The following SUGCT variants were observed in gnomAD, a reference collection of about 807,000 sequenced individuals.
SUGCT encodes the protein succinyl-CoA:glutarate CoA-transferase.
In SUGCT, 41 loss-of-function variants were observed where a neutral mutation model predicts 55.0. That is an observed-to-expected ratio of 0.74 (90% CI 0.58 to 0.97). SUGCT has a LOEUF of 0.97. Among genes scored for constraint, SUGCT ranks in the 50% least tolerant of loss-of-function variants. The pLI is 0.00. For missense variants in SUGCT, 568 were observed against 547.8 expected (o/e 1.04, Z -0.37); for synonymous variants, 187 against 200.4 (o/e 0.93, Z 0.56).
At chr7:40,908,960 G>A in the SUGCT span, among the ~76,000 whole-genome samples, 1 of 151,994 alleles carries the variant, frequency 6.6e-6, no homozygotes, top group African/African-American at 2.4e-5. Context: ...TTTTTGAAAA[G>A]TATACATAGA....
chr7:41,004,823 C>T, the SUGCT span, among the ~76,000 whole-genome samples: 61 of 152,020 alleles, frequency 4.0e-4, no homozygotes, highest in African/African-American at 1.4e-3. Context: ...AAATAACTGG[C>T]ATCTCAATAT....
chr7:40,565,682 C>A (rs1796092564), intron 12 of SUGCT, among the ~76,000 whole-genome samples: 2 of 151,964 alleles, frequency 1.3e-5, no homozygotes, highest in South Asian at 4.2e-4. Context: ...TGATCCGGTC[C>A]CATTTACCTC....
intron 9 of SUGCT, among the ~76,000 whole-genome samples, chr7:40,417,412 G>A (rs1261104348): frequency 6.6e-6 from 1 of 151,518 alleles, no homozygotes; most frequent in Non-Finnish European, 1.5e-5. Context: ...CTTTTTTATT[G>A]TCTTGTAAAT....
At chr7:40,547,069 A>G (rs1795030086) in intron 12 of SUGCT, 1 of 152,112 alleles carries the variant, frequency 6.6e-6, no homozygotes, top group African/African-American at 2.4e-5. Flanking sequence ...GACTAGTCAT[A>G]TGCATGTGAC....
At chr7:40,193,566 G>T (rs1406565) in intron 5 of SUGCT, among the ~76,000 whole-genome samples, 58,283 of 150,102 alleles carry the variant, frequency 0.39, 12,584 homozygotes, top group Middle Eastern at 0.58. Flanking sequence ...ATTTACAGGT[G>T]TGAGCCACTA....
At chr7:40,988,436 G>A in the SUGCT span, among the ~76,000 whole-genome samples, 6 of 151,148 alleles carry the variant, frequency 4.0e-5, no homozygotes, top group East Asian at 1.2e-3. Flanking sequence ...TTTTTTTAAG[G>A]TAGGTGTACT....
intron 12 of SUGCT, among the ~76,000 whole-genome samples, chr7:40,594,712 G>T (rs916737116): frequency 2.0e-5 from 3 of 152,144 alleles, no homozygotes; most frequent in Non-Finnish European, 2.9e-5. Flanking sequence ...GTCCTGTGTG[G>T]CACTAACAAG....
chr7:40,835,804 T>C (rs914928040), intron 13 of SUGCT, among the ~76,000 whole-genome samples: 4 of 152,194 alleles, frequency 2.6e-5, no homozygotes, highest in Non-Finnish European at 5.9e-5. Context: ...TATCCCCCAA[T>C]TGCCAGATCC....
the SUGCT span, among the ~76,000 whole-genome samples, chr7:41,020,887 T>C: frequency 6.6e-6 from 1 of 152,336 alleles, no homozygotes; most frequent in South Asian, 2.1e-4. Context: ...GCAGAGCGAA[T>C]GTAGCAGCAG....
chr7:40,454,035 G>A (rs1287565844), intron 10 of SUGCT, among the ~76,000 whole-genome samples: 1 of 151,996 alleles, frequency 6.6e-6, no homozygotes, highest in East Asian at 1.9e-4. Flanking sequence ...CACCTCACTC[G>A]TTGAGCTCAA....
At chr7:40,929,306 C>T in the SUGCT span, among the ~76,000 whole-genome samples, 1 of 152,126 alleles carries the variant, frequency 6.6e-6, no homozygotes, top group Non-Finnish European at 1.5e-5. Flanking sequence ...GCCACATTTT[C>T]TTAATCCAGT....
At chr7:40,806,891 C>T (rs1252449590) in intron 13 of SUGCT, among the ~76,000 whole-genome samples, 2 of 152,170 alleles carry the variant, frequency 1.3e-5, no homozygotes, top group Admixed American at 6.5e-5. Flanking sequence ...GCATGGTCTC[C>T]ATGCAGCTCC....
chr7:40,820,055 G>A (rs568274770), intron 13 of SUGCT, among the ~76,000 whole-genome samples: 3 of 152,308 alleles, frequency 2.0e-5, no homozygotes, highest in South Asian at 4.1e-4. Context: ...GTTTGTCAAA[G>A]AACATATTGT....
rs542106185 is a variant in SUGCT, at chr7:40,248,379, A to T, written c.576+10653A>T. On this transcript the variant is annotated intron_variant, in intron 7 of 13. Coordinates refer to ENST00000335693, the MANE Select transcript of SUGCT (RefSeq NM_001193313.2). The stretch of plus-strand genomic sequence containing the variant: ...TTTGCATTGTATTTTATTTTAAATC[A>T]TGTTTCCTGGAGATTATCCTATATC... Among the ~76,000 whole-genome samples the T allele has an allele frequency of 3.9e-5, 6 of 152,060 alleles. No homozygotes were observed. The South Asian group carries it at 1.2e-3, about 32-fold the overall frequency.
chr7:40,779,325 A>G (rs1789613843), intron 13 of SUGCT, among the ~76,000 whole-genome samples: 1 of 152,182 alleles, frequency 6.6e-6, no homozygotes, highest in African/African-American at 2.4e-5. Context: ...CTCTCTGTTC[A>G]TCTGTAATTT....
At position 40,181,987 on chromosome 7, in the gene SUGCT, TAGG is replaced by T. The variant is rs923083088; in HGVS notation, c.188_190del (p.Gly63del). 6.2e-7 allele frequency: 1 copy of T among 1,602,398 alleles called. No individual in the cohort carries two copies. The stretch of plus-strand genomic sequence containing the variant: ...GCGGGACCTTTTGCTACTATGAATT[TAGG>T]AGATCTTGGAGCAGAAGTTATAAAA... On this transcript the variant is annotated inframe_deletion, in exon 3 of 14. Transcript: ENST00000335693.
the SUGCT span, among the ~76,000 whole-genome samples, chr7:40,875,356 G>T: frequency 4.3e-4 from 66 of 152,318 alleles, no homozygotes; most frequent in South Asian, 1.2e-3. Context: ...TGTTAGTGTA[G>T]TTCCATATTG....
the SUGCT span, among the ~76,000 whole-genome samples, chr7:40,874,645 C>T: frequency 6.6e-6 from 1 of 152,148 alleles, no homozygotes; most frequent in African/African-American, 2.4e-5. Context: ...AATATATTCT[C>T]TGTATAACAT....
At chr7:40,369,946 T>C (rs909724647) in intron 9 of SUGCT, among the ~76,000 whole-genome samples, 9 of 152,050 alleles carry the variant, frequency 5.9e-5, no homozygotes, top group African/African-American at 1.9e-4. Context: ...TCGTGGGGAA[T>C]GGTGGTATGA....
Sources: allele counts gnomAD v4.1 joint callset (sites outside exome capture counted in the v4.1 genomes callset), GRCh38; gene constraint gnomAD v4.1.1; transcripts MANE v1.5; gene names NCBI Gene and HGNC (gene_info 2026-07-23, HGNC 2026-07-21).